The following NCALD variants were observed in gnomAD, a reference collection of about 807,000 sequenced individuals.
NCALD encodes neurocalcin-delta.
NCALD carries 10 observed loss-of-function variants against 18.6 expected under a neutral mutation model. The observed-to-expected ratio is 0.54, with a 90% CI of 0.33 to 0.91. The LOEUF is 0.91. Among genes scored for constraint, NCALD ranks in the 40% least tolerant of loss-of-function variants. NCALD has a pLI of 0.03. For synonymous variants in NCALD, 88 were observed against 87.4 expected, an observed-to-expected ratio of 1.01 and a Z score of -0.04; for missense variants, 184 against 247.6, an observed-to-expected ratio of 0.74 and a Z score of 1.72.
At chr8:101,717,158 C>T (rs1479820301) in intron 2 of NCALD, among the ~76,000 whole-genome samples, 2 of 152,178 alleles carry the variant, frequency 1.3e-5, no homozygotes, top group East Asian at 1.9e-4. Flanking sequence ...ACACAGAATC[C>T]ACAGTAGTCC....
intron 2 of NCALD, among the ~76,000 whole-genome samples, chr8:101,929,226 A>G (rs1318923118): frequency 8.6e-6 from 1 of 115,662 alleles, no homozygotes; most frequent in Non-Finnish European, 1.7e-5. Flanking sequence ...AAGAAGGGGA[A>G]GAAGGAGGAG....
At chr8:102,065,394 C>T (rs191500298) in intron 1 of NCALD, among the ~76,000 whole-genome samples, 5 of 152,266 alleles carry the variant, frequency 3.3e-5, no homozygotes, top group African/African-American at 1.2e-4. Flanking sequence ...AGGCACTCAG[C>T]CTTCTGTCCA....
At chr8:101,943,715 C>T (rs893918864) in intron 2 of NCALD, among the ~76,000 whole-genome samples, 13 of 151,812 alleles carry the variant, frequency 8.6e-5, no homozygotes, top group African/African-American at 2.4e-4. Context: ...CCGAGGCGGG[C>T]GGATCGCAAG....
At chr8:101,913,786 T>A (rs1817883495) in intron 3 of NCALD, among the ~76,000 whole-genome samples, 1 of 152,216 alleles carries the variant, frequency 6.6e-6, no homozygotes, top group Non-Finnish European at 1.5e-5. Flanking sequence ...TTCTCCATGT[T>A]GGCCAGGCTG....
At chr8:101,999,111 G>C (rs1821348862) in intron 2 of NCALD, among the ~76,000 whole-genome samples, 1 of 140,504 alleles carries the variant, frequency 7.1e-6, no homozygotes, top group Admixed American at 7.2e-5. Flanking sequence ...AGAAAGTCCA[G>C]TTCTAAAGAC....
At chr8:102,119,373 G>T (rs1825880214) in intron 1 of NCALD, among the ~76,000 whole-genome samples, 1 of 152,148 alleles carries the variant, frequency 6.6e-6, no homozygotes, top group African/African-American at 2.4e-5. Flanking sequence ...AATTCATAGA[G>T]ACAGAAAGTA....
intron 1 of NCALD, among the ~76,000 whole-genome samples, chr8:101,728,593 G>T (rs1816675794): frequency 6.6e-6 from 1 of 152,114 alleles, no homozygotes; most frequent in Admixed American, 6.5e-5. Flanking sequence ...GGCCGAGGTG[G>T]GCAGATCACG....
chr8:101,992,265 C>G lies in NCALD; in HGVS notation c.-157+27972G>C, dbSNP rs572668375. 1.6e-3 allele frequency among the ~76,000 whole-genome samples: 251 copies of G among 152,188 alleles called. 1 individual carries two copies. The highest frequency in any genetic ancestry group is 5.7e-3 in the African/African-American group (237 of 41,510). ...CCATTTCCTCTTTCCTTTCTTCTGC[C>G]CTAATCACATATAGTTGAACTTGAT... is the stretch of plus-strand genomic sequence containing the variant. On this transcript the variant is annotated intron_variant, in intron 2 of 6. Transcript: ENST00000311028.
chr8:101,935,448 A>G (rs1195194677), intron 2 of NCALD, among the ~76,000 whole-genome samples: 1 of 152,246 alleles, frequency 6.6e-6, no homozygotes, highest in African/African-American at 2.4e-5. Flanking sequence ...TGATGGCTCT[A>G]TCCTATAACT....
intron 4 of NCALD, among the ~76,000 whole-genome samples, chr8:101,859,161 G>T (rs559620167): frequency 4.7e-4 from 71 of 152,266 alleles, no homozygotes; most frequent in African/African-American, 1.7e-3. Context: ...GACTGGGCTT[G>T]CTGAGTCTTC....
At chr8:102,109,942 T>C (rs1392283209) in intron 1 of NCALD, among the ~76,000 whole-genome samples, 2 of 152,248 alleles carry the variant, frequency 1.3e-5, no homozygotes, top group Non-Finnish European at 2.9e-5. Context: ...GTCATATTTA[T>C]CAATTTTCTA....
chr8:101,999,153 G>C (rs963193397), intron 2 of NCALD, among the ~76,000 whole-genome samples: 1 of 148,848 alleles, frequency 6.7e-6, no homozygotes, highest in Non-Finnish European at 1.5e-5. Flanking sequence ...ATGGATGCTT[G>C]AATAATATGA....
chr8:101,709,088 A>G (rs1211434769), intron 2 of NCALD, among the ~76,000 whole-genome samples: 1 of 152,124 alleles, frequency 6.6e-6, no homozygotes, highest in East Asian at 1.9e-4. Context: ...ATGAAAGTAC[A>G]CTCCACAGTG....
At chr8:101,890,228 G>A (rs963570838) in intron 3 of NCALD, among the ~76,000 whole-genome samples, 1 of 152,146 alleles carries the variant, frequency 6.6e-6, no homozygotes, top group African/African-American at 2.4e-5. Flanking sequence ...TCACAGAAGA[G>A]AAAAACATGA....
intron 1 of NCALD, among the ~76,000 whole-genome samples, chr8:102,027,926 G>A (rs2132126144): frequency 6.6e-6 from 1 of 152,256 alleles, no homozygotes; most frequent in Middle Eastern, 3.4e-3. Flanking sequence ...ACTATCCAAA[G>A]ACCAGCAGCA....
chr8:102,002,470 A>G (rs994416509), intron 2 of NCALD, among the ~76,000 whole-genome samples: 1 of 152,210 alleles, frequency 6.6e-6, no homozygotes, highest in Non-Finnish European at 1.5e-5. Context: ...CAGATCAATG[A>G]GACAGAAAGT....
At chr8:102,091,328 T>C (rs761887742) in intron 1 of NCALD, among the ~76,000 whole-genome samples, 2 of 152,240 alleles carry the variant, frequency 1.3e-5, no homozygotes, top group Non-Finnish European at 2.9e-5. Flanking sequence ...AGAAAAATTA[T>C]GTTTCAAGAA....
At chr8:101,721,488 G>C (rs1816353945) in intron 1 of NCALD, 1 of 152,186 alleles carries the variant, frequency 6.6e-6, no homozygotes, top group Admixed American at 6.5e-5. Flanking sequence ...AGAAGCACGG[G>C]GGCTTGGTTT....
At chr8:101,827,765 T>C (rs2131225329) in intron 4 of NCALD, among the ~76,000 whole-genome samples, 1 of 152,338 alleles carries the variant, frequency 6.6e-6, no homozygotes, top group East Asian at 1.9e-4. Flanking sequence ...ACAAAGAATA[T>C]ACTCCCCCAA....
Sources: gnomAD v4.1 joint callset for allele counts (sites outside exome capture counted in the v4.1 genomes callset) on GRCh38, gnomAD v4.1.1 for gene constraint, MANE v1.5 for transcripts, NCBI Gene and HGNC (gene_info 2026-07-23, HGNC 2026-07-21) for gene names.